Variants in NXN observed in about 807,000 individuals in gnomAD.
NXN encodes the protein nucleoredoxin, also known as nucleoredoxin 1.
A neutral mutation model predicts 48.6 loss-of-function variants in NXN; 16 were observed. The ratio of observed to expected loss-of-function variants is 0.33; its 90% CI spans 0.22 to 0.50. NXN has a LOEUF of 0.50. Among genes scored for constraint, NXN ranks in the 20% least tolerant of loss-of-function variants. The pLI is 0.98. For missense variants in NXN, 492 were observed against 605.5 expected (o/e 0.81, Z 1.97); for synonymous variants, 281 against 269.6 (o/e 1.04, Z -0.41).
chr17:872,709 C>G (rs965482347), intron 1 of NXN, among the ~76,000 whole-genome samples: 13 of 148,844 alleles, frequency 8.7e-5, no homozygotes, highest in Non-Finnish European at 1.6e-4. Context: ...CAACCTCTGC[C>G]TCCTGGCCTC....
In NXN at chr17:842,038, C is replaced by T. The variant is rs146979715; in HGVS notation, c.361-15960G>A. On this transcript the variant is annotated intron_variant, in intron 1 of 7. Coordinates refer to ENST00000336868, the MANE Select transcript of NXN (RefSeq NM_022463.5). ...GTAACCCCAGCAACTCAGGAGGCTG[C>T]GGCAGGAGAATCGCTTGAACCTGGG... is the stretch of plus-strand genomic sequence containing the variant. Among the ~76,000 whole-genome samples, 43 of 152,148 alleles carry T rather than the reference C, an allele frequency of 2.8e-4. 1 individual carries two copies. The East Asian group carries it at 7.6e-3, about 27-fold the overall frequency.
At chr17:955,280 G>GC (rs112268643) in intron 1 of NXN, among the ~76,000 whole-genome samples, 5,446 of 149,766 alleles carry the variant, frequency 0.036, 129 homozygotes, top group Admixed American at 0.056. Context: ...CGATTCTCCT[G>GC]CCTCAGCCTC....
chr17:934,117 G>A (rs889192598), intron 1 of NXN, among the ~76,000 whole-genome samples: 6 of 152,208 alleles, frequency 3.9e-5, no homozygotes, highest in African/African-American at 1.4e-4. Context: ...AGTACAATAA[G>A]AAGGCCAGGC....
chr17:940,488 T>C (rs2068959023), intron 1 of NXN, among the ~76,000 whole-genome samples: 1 of 152,236 alleles, frequency 6.6e-6, no homozygotes, highest in Non-Finnish European at 1.5e-5. Flanking sequence ...GCAATGTCTC[T>C]GTTAAAAATC....
intron 1 of NXN, among the ~76,000 whole-genome samples, chr17:921,054 T>A (rs903485183): frequency 1.3e-5 from 2 of 151,996 alleles, no homozygotes; most frequent in East Asian, 3.8e-4. Flanking sequence ...CTTAACCTCT[T>A]TGTGACTCAG....
chr17:833,222 C>T (rs554959846), intron 1 of NXN, among the ~76,000 whole-genome samples: 45 of 152,198 alleles, frequency 3.0e-4, no homozygotes, highest in African/African-American at 9.4e-4. Flanking sequence ...ACAAAGCCAT[C>T]GTGGTCTAAT....
In NXN at chr17:919,179, A is replaced by G. The variant is rs139150558; in HGVS notation, c.360+60140T>C. On this transcript the variant is annotated intron_variant, in intron 1 of 7. Transcript: ENST00000336868. This position sits in a 1 kb window ranked among gnomAD's most constrained non-coding sequence, Gnocchi z 5.1. ...GGAGATCGAGACCATCCTGGCTAAC[A>G]TGGTGAAAGCCCGTCTCTACTACAA... Among the ~76,000 whole-genome samples, 206 of 152,230 alleles carry G rather than the reference A, an allele frequency of 1.4e-3. 4 individuals carry two copies. In the East Asian group the frequency reaches 0.037, roughly 28 times the overall value.
At chr17:909,989 T>C (rs892905452) in intron 1 of NXN, 2 of 152,170 alleles carry the variant, frequency 1.3e-5, no homozygotes, top group African/African-American at 2.4e-5. Flanking sequence ...TATGAAAGAA[T>C]CATGAAATAC....
chr17:976,275 A>C (rs1195398219), intron 1 of NXN, among the ~76,000 whole-genome samples: 1 of 151,810 alleles, frequency 6.6e-6, no homozygotes, highest in Non-Finnish European at 1.5e-5. Flanking sequence ...GGTCATCCCC[A>C]GGTTTTTTTT....
chr17:971,844 C>T (rs894003522), intron 1 of NXN, among the ~76,000 whole-genome samples: 5 of 152,228 alleles, frequency 3.3e-5, no homozygotes, highest in South Asian at 2.1e-4. Flanking sequence ...TCACACCATG[C>T]ACCACTGGGA....
chr17:961,387 G>GAA lies in NXN; in HGVS notation c.360+17930_360+17931dup, dbSNP rs765525826. Among the ~76,000 whole-genome samples the GAA allele has an allele frequency of 1.7e-3, 242 of 140,626 alleles. 1 individual carries two copies. The East Asian group carries it at 0.021, about 12-fold the overall frequency. The allele number at this position is 140,626 out of a possible 152,430, so 92.3% of individuals were successfully genotyped here. A position where few individuals can be genotyped will look rare whatever the true frequency, so the allele number is the denominator to read the frequency against. ...GCGACAGAGTGAGACTCCGTCTCAA[G>GAA]AAAAAAAAAAAAGAAAAAGAAATAG... On this transcript the variant is annotated intron_variant, in intron 1 of 7. Transcript: ENST00000336868.
At chr17:863,917 C>T in intron 1 of NXN, 1 of 1,473,886 alleles carries the variant, frequency 6.8e-7, no homozygotes. Context: ...ATGTCAGGCT[C>T]ATACAGTGTG....
At chr17:947,378 T>G (rs982435205) in intron 1 of NXN, among the ~76,000 whole-genome samples, 8 of 152,140 alleles carry the variant, frequency 5.3e-5, no homozygotes, top group Admixed American at 5.2e-4. Flanking sequence ...TACACAGTTA[T>G]GGACAATGGG....
chr17:906,017 G>A (rs1031714224), intron 1 of NXN, among the ~76,000 whole-genome samples: 2 of 151,426 alleles, frequency 1.3e-5, no homozygotes, highest in African/African-American at 2.4e-5. Context: ...TACAGGTGAA[G>A]TTAATCTTAA....
intron 1 of NXN, among the ~76,000 whole-genome samples, chr17:873,736 T>C (rs1217439445): frequency 1.3e-5 from 2 of 152,136 alleles, no homozygotes. Flanking sequence ...CTCAGACCTA[T>C]GAAAAAAATA....
In NXN at chr17:800,710, G is replaced by GC; in HGVS notation, c.*238dup. On this transcript the variant is annotated 3_prime_UTR_variant, in exon 8 of 8. Coordinates refer to ENST00000336868, the MANE Select transcript of NXN (RefSeq NM_022463.5). ...AGCCATGCAGCCCCGCTCTGGCCGGGCCCCCGGCCATCCCGTGCTCCCAAA... is the reference window on the plus strand; with the variant it reads ...AGCCATGCAGCCCCGCTCTGGCCGGGCCCCCCGGCCATCCCGTGCTCCCAAA... 1 of 357,878 alleles carries GC rather than the reference G, an allele frequency of 2.8e-6. No individual in the cohort carries two copies. Among genetic ancestry groups the GC allele is most frequent in the Admixed American group, 4.7e-5 (1 of 21,264 alleles). 22.2% of individuals were successfully genotyped at this position (357,878 alleles called of 1,614,324 possible). A position where few individuals can be genotyped will look rare whatever the true frequency, so the allele number is the denominator to read the frequency against.
At chr17:808,689 T>G (rs1472830393) in intron 5 of NXN, among the ~76,000 whole-genome samples, 1 of 150,872 alleles carries the variant, frequency 6.6e-6, no homozygotes, top group Non-Finnish European at 1.5e-5. Context: ...TTTTTTTTTT[T>G]TTTGAGACAG....
Position 812,619 on chromosome 17 carries a change from T to C in NXN, c.820+6820A>G, listed in dbSNP as rs111373317. The stretch of plus-strand genomic sequence containing the variant: ...GGCGCGAGTGTGCATTGTGTGAGTG[T>C]AGGTGAGTGTAGGTGTGTGTGAGTG... On this transcript the variant is annotated intron_variant, in intron 5 of 7. Transcript: ENST00000336868. Among the ~76,000 whole-genome samples, 629 of 149,262 alleles carry C rather than the reference T, an allele frequency of 4.2e-3. 5 individuals are homozygous for C. The highest frequency in any genetic ancestry group is 0.015 in the African/African-American group (601 of 39,084).
At chr17:843,593 G>A (rs1000789287) in intron 1 of NXN, among the ~76,000 whole-genome samples, 6 of 152,228 alleles carry the variant, frequency 3.9e-5, no homozygotes, top group Non-Finnish European at 7.3e-5. Flanking sequence ...AAGCGGCTGG[G>A]AGTTTGCATA....
Sources: allele counts gnomAD v4.1 joint callset (sites outside exome capture counted in the v4.1 genomes callset), GRCh38; gene constraint gnomAD v4.1.1; non-coding constraint Gnocchi (gnomAD v3.1); transcripts MANE v1.5; gene names NCBI Gene and HGNC (gene_info 2026-07-23, HGNC 2026-07-21).